Variants in GRIK1 observed in about 807,000 individuals in gnomAD.
The protein encoded by GRIK1 is glutamate ionotropic receptor kainate type subunit 1.
In GRIK1, 69 loss-of-function variants were observed where a neutral mutation model predicts 105.7. The ratio of observed to expected loss-of-function variants is 0.65; its 90% confidence interval spans 0.54 to 0.80. The LOEUF is 0.80. Among genes scored for constraint, GRIK1 ranks in the 30% least tolerant of loss-of-function variants. The probability of loss-of-function intolerance (pLI) is 0.00; values close to 1 mark genes in which losing one functional copy is unlikely to be tolerated. For synonymous variants in GRIK1, 438 were observed against 431.3 expected (o/e 1.02, Z -0.19); for missense variants, 1,109 against 1,167.3 (o/e 0.95, Z 0.73).
At chr21:29,564,679 G>A (rs1438196586) in intron 14 of GRIK1, among the ~76,000 whole-genome samples, 2 of 152,066 alleles carry the variant, frequency 1.3e-5, no homozygotes, top group Non-Finnish European at 2.9e-5. Flanking sequence ...TCAATCTATG[G>A]CAGACCTAGC....
intron 7 of GRIK1, among the ~76,000 whole-genome samples, chr21:29,639,958 C>G (rs2832419): frequency 0.49 from 75,084 of 152,008 alleles, 20,894 homozygotes; most frequent in African/African-American, 0.77. Context: ...GAGCTGGAAA[C>G]ATGTGTCTGA....
intron 1 of GRIK1, among the ~76,000 whole-genome samples, chr21:29,826,020 GGAAGGTAGT>G (rs767130758): frequency 2.0e-5 from 3 of 152,072 alleles, no homozygotes; most frequent in Non-Finnish European, 4.4e-5. Flanking sequence ...CTTCTCCAAA[GGAAGGTAGT>G]GACATGGGAT....
At chr21:29,689,097 G>A (rs545180648) in intron 3 of GRIK1, among the ~76,000 whole-genome samples, 19 of 151,636 alleles carry the variant, frequency 1.3e-4, no homozygotes, top group African/African-American at 4.6e-4. Flanking sequence ...ACAATAAGCA[G>A]AAAGCAGAGG....
intron 16 of GRIK1, among the ~76,000 whole-genome samples, chr21:29,545,552 T>A (rs1034848271): frequency 3.3e-5 from 5 of 152,260 alleles, no homozygotes; most frequent in African/African-American, 1.2e-4. Context: ...ATTCTTTGCA[T>A]GCCCTTTCTC....
At chr21:29,884,400 G>A (rs117753704) in intron 1 of GRIK1, among the ~76,000 whole-genome samples, 262 of 152,104 alleles carry the variant, frequency 1.7e-3, no homozygotes, top group Middle Eastern at 6.8e-3. Context: ...TGGTCAAGAG[G>A]AAGAACAGGT....
chr21:29,920,202 G>A (rs1252517068), intron 1 of GRIK1, among the ~76,000 whole-genome samples: 2 of 151,374 alleles, frequency 1.3e-5, no homozygotes, highest in East Asian at 1.9e-4. Context: ...TTTTATCTTT[G>A]GGGGAGATAG....
intron 1 of GRIK1, among the ~76,000 whole-genome samples, chr21:29,872,181 C>A (rs112031560): frequency 1.4e-4 from 21 of 148,626 alleles, no homozygotes; most frequent in Non-Finnish European, 2.8e-4. Context: ...AAAATATGCA[C>A]GCTCTCACTT....
chr21:29,680,954 GA>G (rs751541285), intron 3 of GRIK1, among the ~76,000 whole-genome samples: 5 of 152,096 alleles, frequency 3.3e-5, no homozygotes, highest in Non-Finnish European at 5.9e-5. Flanking sequence ...CCGACATAGT[GA>G]AACCCAGTCT....
At chr21:29,637,089 C>A (rs2062411620) in intron 7 of GRIK1, among the ~76,000 whole-genome samples, 1 of 152,128 alleles carries the variant, frequency 6.6e-6, no homozygotes. Flanking sequence ...GTCTTTAAGG[C>A]CACTGAGATT....
chr21:29,764,388 A>G (rs2065606054), intron 1 of GRIK1, among the ~76,000 whole-genome samples: 1 of 152,188 alleles, frequency 6.6e-6, no homozygotes, highest in South Asian at 2.1e-4. Flanking sequence ...AATTTCATAC[A>G]GATGCTGGGA....
At chr21:29,664,279 T>C (rs1427657024) in intron 4 of GRIK1, among the ~76,000 whole-genome samples, 4 of 152,120 alleles carry the variant, frequency 2.6e-5, no homozygotes, top group African/African-American at 9.7e-5. Flanking sequence ...TGATACAGAG[T>C]TGGAATTGGG....
intron 1 of GRIK1, among the ~76,000 whole-genome samples, chr21:29,933,331 T>G (rs2071637468): frequency 6.6e-6 from 1 of 152,142 alleles, no homozygotes; most frequent in Non-Finnish European, 1.5e-5. Flanking sequence ...GAAATTGCAG[T>G]GGTGTTACTG....
intron 1 of GRIK1, among the ~76,000 whole-genome samples, chr21:29,862,772 T>C (rs1422385197): frequency 6.6e-6 from 1 of 152,224 alleles, no homozygotes; most frequent in Non-Finnish European, 1.5e-5. Context: ...CCCTTGTTTG[T>C]AAAGACAGAT....
At chr21:29,858,765 T>C (rs1018607524) in intron 1 of GRIK1, among the ~76,000 whole-genome samples, 1 of 151,588 alleles carries the variant, frequency 6.6e-6, no homozygotes, top group Non-Finnish European at 1.5e-5. Context: ...AAAATCTCAT[T>C]CTCCTTGAAG....
At chr21:29,842,260 A>G (rs2068003961) in intron 1 of GRIK1, among the ~76,000 whole-genome samples, 2 of 152,162 alleles carry the variant, frequency 1.3e-5, no homozygotes, top group South Asian at 4.1e-4. Context: ...GAAATGTAAT[A>G]CAGTTCATCT....
intron 11 of GRIK1, among the ~76,000 whole-genome samples, chr21:29,588,487 C>G (rs2146282759): frequency 6.6e-6 from 1 of 152,254 alleles, no homozygotes; most frequent in Non-Finnish European, 1.5e-5. Context: ...CACGCATTCT[C>G]TCACCTGCCA....
chr21:29,727,556 A>T (rs974847096), intron 1 of GRIK1, among the ~76,000 whole-genome samples: 1 of 152,146 alleles, frequency 6.6e-6, no homozygotes, highest in African/African-American at 2.4e-5. Context: ...ACCTAACTGC[A>T]TGAGTATGAG....
rs1052182915 is a variant in GRIK1 at position 29,596,750 on chromosome 21, G to T, written c.1207-180C>A. On this transcript the variant is annotated intron_variant, in intron 8 of 17. Coordinates refer to ENST00000327783, the MANE Select transcript of GRIK1 (RefSeq NM_001330994.2). ...TAGGTACAGCAAAGAGACGAATCAAGACTTGGGTCTCACAGAAGTTACCTG... is the reference window on the plus strand; with the variant it reads ...TAGGTACAGCAAAGAGACGAATCAATACTTGGGTCTCACAGAAGTTACCTG... 2.8e-5 allele frequency: 17 copies of T among 608,148 alleles called. No individual in the cohort carries two copies. The African/African-American group carries it at 3.1e-4, about 11-fold the overall frequency. The allele number at this position is 608,148 out of a possible 1,614,324, so 37.7% of individuals were successfully genotyped here.
chr21:29,882,859 C>T (rs1333668779), intron 1 of GRIK1, among the ~76,000 whole-genome samples: 3 of 152,036 alleles, frequency 2.0e-5, no homozygotes, highest in Non-Finnish European at 4.4e-5. Context: ...CTATCTACCA[C>T]GATCTATACA....
Sources: allele counts gnomAD v4.1 joint callset (sites outside exome capture counted in the v4.1 genomes callset), GRCh38; gene constraint gnomAD v4.1.1; transcripts MANE v1.5; gene names NCBI Gene and HGNC (gene_info 2026-07-23, HGNC 2026-07-21).